The following PRRC2C variants were observed in gnomAD, a reference collection of about 807,000 sequenced individuals.
PRRC2C encodes the protein protein PRRC2C.
A neutral mutation model predicts 317.2 loss-of-function variants in PRRC2C; 72 were observed. That is an observed-to-expected ratio of 0.23 (90% CI 0.19 to 0.28). The LOEUF (loss-of-function observed/expected upper bound fraction) is 0.28. Among genes scored for constraint, PRRC2C ranks in the 10% least tolerant of loss-of-function variants. The probability of loss-of-function intolerance (pLI) is 1.00; values close to 1 mark genes in which losing one functional copy is unlikely to be tolerated. For synonymous variants in PRRC2C, 1,296 were observed against 1,205.9 expected, an observed-to-expected ratio of 1.07 and a Z score of -1.55; for missense variants, 3,074 against 3,459.7, an observed-to-expected ratio of 0.89 and a Z score of 2.80.
intron 1 of PRRC2C, among the ~76,000 whole-genome samples, chr1:171,508,933 C>CTGGA (rs1670773334): frequency 1.3e-5 from 2 of 151,958 alleles, no homozygotes. Context: ...GTCGCCCAGG[C>CTGGA]TGGAGTGCAG....
chr1:171,506,044 G>T (rs919625034), intron 1 of PRRC2C, among the ~76,000 whole-genome samples: 1 of 152,136 alleles, frequency 6.6e-6, no homozygotes, highest in African/African-American at 2.4e-5. Flanking sequence ...ATCTACATTT[G>T]TAAGTACACA....
chr1:171,504,268 A>G (rs994765591), intron 1 of PRRC2C, among the ~76,000 whole-genome samples: 1 of 152,164 alleles, frequency 6.6e-6, no homozygotes, highest in African/African-American at 2.4e-5. Context: ...TCTCAACATT[A>G]TCTTTCAAAA....
rs758313835 is a variant in PRRC2C, at chr1:171,514,251, AGTGT to A, written c.291-278_291-275del. Among the ~76,000 whole-genome samples, 3 of 131,748 alleles carry A rather than the reference AGTGT, an allele frequency of 2.3e-5. No homozygotes were observed. The Admixed American group carries it at 2.3e-4, about 10-fold the overall frequency. The allele number at this position is 131,748 out of a possible 152,430, so 86.4% of individuals were successfully genotyped here. ...TATTTGGTAACTGTGTTTAATTAAA[AGTGT>A]GTGTGTATGTGTGTGTGTGTGTGTG... On this transcript the variant is annotated intron_variant, in intron 3 of 34. Transcript: ENST00000647382.
intron 28 of PRRC2C, among the ~76,000 whole-genome samples, chr1:171,581,769 T>A (rs1648653660): frequency 6.6e-6 from 1 of 152,238 alleles, no homozygotes; most frequent in South Asian, 2.1e-4. Context: ...ACTGCTATGA[T>A]CCTAGACTAG....
At chr1:171,495,268 G>A (rs1667913173) in intron 1 of PRRC2C, among the ~76,000 whole-genome samples, 1 of 152,192 alleles carries the variant, frequency 6.6e-6, no homozygotes, top group Non-Finnish European at 1.5e-5. Context: ...GACAGTCTGG[G>A]TCTGTATTCT....
chr1:171,545,408 C>A, intron 16 of PRRC2C, 71 bp from the exon 17 acceptor site: 1 of 1,290,362 alleles, frequency 7.7e-7, no homozygotes, highest in Non-Finnish European at 1.1e-6. Context: ...ACTTTAGAAA[C>A]TGCCAATAAG....
At chr1:171,573,905 C>T (rs1361381568) in intron 24 of PRRC2C, among the ~76,000 whole-genome samples, 2 of 151,902 alleles carry the variant, frequency 1.3e-5, no homozygotes, top group Non-Finnish European at 2.9e-5. Flanking sequence ...TCTCGAACTT[C>T]TGACCTCGTG....
intron 19 of PRRC2C, among the ~76,000 whole-genome samples, chr1:171,560,019 A>G (rs1296179288): frequency 6.6e-6 from 1 of 152,184 alleles, no homozygotes; most frequent in African/African-American, 2.4e-5. Context: ...ATCAAGGAGT[A>G]TTTTGACTTT....
Position 171,571,442 on chromosome 1 carries a change from T to C in PRRC2C, c.6753+21T>C, listed in dbSNP as rs1322497870. On this transcript the variant is annotated intron_variant, in intron 24 of 34. Transcript: ENST00000647382. ...TCAAGGTATGTACAACATCCATCTC[T>C]AAGAGTCCTTAATTGTTGCATGCAA... is the stretch of plus-strand genomic sequence containing the variant. The C allele has an allele frequency of 2.0e-6, 3 of 1,508,852 alleles. No homozygotes were observed. In the Admixed American group the frequency reaches 5.0e-5, roughly 25 times the overall value. The allele number at this position is 1,508,852 out of a possible 1,614,324, so 93.5% of individuals were successfully genotyped here.
chr1:171,547,178 A>T (rs1679271261), intron 17 of PRRC2C, among the ~76,000 whole-genome samples: 1 of 152,222 alleles, frequency 6.6e-6, no homozygotes, highest in Non-Finnish European at 1.5e-5. Flanking sequence ...ATAGAAATTA[A>T]GCTATTCATT....
intron 6 of PRRC2C, among the ~76,000 whole-genome samples, chr1:171,519,528 A>T (rs1673148550): frequency 6.6e-6 from 1 of 152,036 alleles, no homozygotes; most frequent in Non-Finnish European, 1.5e-5. Context: ...TACTATCTTT[A>T]ATTTCATTTA....
chr1:171,511,182 A>G (rs188702241), intron 1 of PRRC2C: 70 of 135,174 alleles, frequency 5.2e-4, no homozygotes, highest in African/African-American at 1.9e-3. Flanking sequence ...CCCTACTGCT[A>G]CAATAACCCC....
chr1:171,591,423 A>G, intron 34 of PRRC2C, 164 bp from the exon 35 acceptor site: 1 of 763,348 alleles, frequency 1.3e-6, no homozygotes, highest in South Asian at 3.3e-5. Flanking sequence ...ATAGGAAGAA[A>G]TCTATTCATT....
intron 10 of PRRC2C, among the ~76,000 whole-genome samples, chr1:171,526,327 G>A (rs1258501294): frequency 1.3e-5 from 2 of 152,142 alleles, no homozygotes; most frequent in Non-Finnish European, 2.9e-5. Context: ...TTCCAGAACA[G>A]CTAGACTAAA....
chr1:171,494,127 A>G (rs891932339), intron 1 of PRRC2C, among the ~76,000 whole-genome samples: 4 of 152,246 alleles, frequency 2.6e-5, no homozygotes, highest in African/African-American at 9.6e-5. Flanking sequence ...AAGTTGTTAA[A>G]AAGAATGCCC....
intron 1 of PRRC2C, among the ~76,000 whole-genome samples, chr1:171,492,341 G>T (rs1268578499): frequency 6.6e-6 from 1 of 152,140 alleles, no homozygotes; most frequent in African/African-American, 2.4e-5. Context: ...AAAATATTTT[G>T]ATTATACTGT....
At position 171,536,092 on chromosome 1, in the gene PRRC2C, C is replaced by G. The variant is rs766190594; in HGVS notation, c.2107C>G (p.Pro703Ala). The G allele has an allele frequency of 5.1e-6, 8 of 1,556,914 alleles. No individual in the cohort carries two copies. In the African/African-American group the frequency reaches 8.2e-5, roughly 16 times the overall value. Residue 703 changes from proline to alanine, a missense_variant, in exon 14 of 35, where the codon CCT (proline) becomes GCT (alanine). Physicochemically the swap from Pro to Ala is conservative, Grantham distance 27 (BLOSUM62 -1). This residue lies in a region of PRRC2C where 1,320 missense variants were observed against 1,395.7 expected (regional missense o/e 0.95). Coordinates refer to ENST00000647382, the MANE Select transcript of PRRC2C (RefSeq NM_001387844.1). ...QQQGVLPQTV[P>A]SQPSSSTVPP... ...GCAAGGTGTACTTCCACAGACTGTTCCTTCACAACCGTCCAGTAGTACTGT... is the reference window on the plus strand; with the variant it reads ...GCAAGGTGTACTTCCACAGACTGTTGCTTCACAACCGTCCAGTAGTACTGT...
In PRRC2C at chr1:171,517,681, C is replaced by T; in HGVS notation, c.617C>T (p.Thr206Ile). 1 of 1,613,536 alleles carries T rather than the reference C, an allele frequency of 6.2e-7. No individual in the cohort carries two copies. The change falls in exon 6 of 35, where the codon ACA becomes ATA. Residue 206 changes from threonine to isoleucine, a missense_variant. Physicochemically the swap from Thr to Ile is moderately conservative, Grantham distance 89. Coordinates refer to ENST00000647382, the MANE Select transcript of PRRC2C (RefSeq NM_001387844.1). Reference sequence around the variant, plus strand: ...AAGCTCCCTGGCCAGGATGAAAGCACAGCTGGAACATCAGAGCAAAATGAT... The same window carrying T: ...AAGCTCCCTGGCCAGGATGAAAGCATAGCTGGAACATCAGAGCAAAATGAT... ...DEKLPGQDES[T>I]AGTSEQNDIL...
At chr1:171,569,029 A>C (rs184061918) in intron 23 of PRRC2C, among the ~76,000 whole-genome samples, 6 of 152,308 alleles carry the variant, frequency 3.9e-5, no homozygotes, top group Admixed American at 3.9e-4. Flanking sequence ...TAGATGAAAA[A>C]TTGTTAGCCC....
Sources: gnomAD v4.1 joint callset for allele counts (sites outside exome capture counted in the v4.1 genomes callset) on GRCh38, gnomAD v4.1.1 for gene constraint, gnomAD v4.1.1 regional missense constraint, MANE v1.5 for transcripts, NCBI Gene and HGNC (gene_info 2026-07-23, HGNC 2026-07-21) for gene names.